The following DPP10 variants were observed in gnomAD, a reference collection of about 807,000 sequenced individuals.
The protein encoded by DPP10 is dipeptidyl peptidase like 10, also known as inactive dipeptidyl peptidase 10.
Under a neutral mutation model 120.9 loss-of-function variants are expected in DPP10, and 33 were observed. The ratio of observed to expected loss-of-function variants is 0.27; its 90% confidence interval spans 0.21 to 0.37. The LOEUF is 0.37. DPP10 is among the 10% of genes least tolerant of loss of function. The pLI is 1.00. For synonymous variants in DPP10, 337 were observed against 326.1 expected, an observed-to-expected ratio of 1.03 and a Z score of -0.36; for missense variants, 816 against 942.8, an observed-to-expected ratio of 0.87 and a Z score of 1.76.
At chr2:114,543,271 T>A (rs762836707) in intron 1 of DPP10, among the ~76,000 whole-genome samples, 2 of 152,186 alleles carry the variant, frequency 1.3e-5, no homozygotes, top group Admixed American at 6.5e-5. Context: ...ACTGGCGACG[T>A]CTTGTTTTCA....
chr2:115,832,174 G>A (rs761563888), intron 21 of DPP10, among the ~76,000 whole-genome samples: 4 of 152,180 alleles, frequency 2.6e-5, no homozygotes, highest in Admixed American at 6.5e-5. Context: ...ACAGGTGAGA[G>A]GAAGGCGAGC....
chr2:115,240,974 A>T (rs1256387808), intron 1 of DPP10, among the ~76,000 whole-genome samples: 2 of 152,126 alleles, frequency 1.3e-5, no homozygotes, highest in Non-Finnish European at 2.9e-5. Context: ...GCAAACCTAT[A>T]AAAAAAGTAG....
At chr2:115,354,089 A>G (rs2064210693) in intron 3 of DPP10, among the ~76,000 whole-genome samples, 1 of 152,184 alleles carries the variant, frequency 6.6e-6, no homozygotes, top group Admixed American at 6.5e-5. Flanking sequence ...AAAAGAAGTC[A>G]TTGCAGATAA....
intron 1 of DPP10, among the ~76,000 whole-genome samples, chr2:114,536,413 T>TTTG (rs1686498272): frequency 6.7e-6 from 1 of 148,380 alleles, no homozygotes; most frequent in Non-Finnish European, 1.5e-5. Flanking sequence ...TTTTTCTTTT[T>TTTG]TTTTTTTTTT....
chr2:115,246,051 A>G (rs2058519107), intron 1 of DPP10, among the ~76,000 whole-genome samples: 1 of 152,136 alleles, frequency 6.6e-6, no homozygotes, highest in South Asian at 2.1e-4. Flanking sequence ...AGAAATTGAA[A>G]TGAAAGATGG....
At chr2:114,943,010 A>G (rs1697075507) in intron 1 of DPP10, among the ~76,000 whole-genome samples, 1 of 152,012 alleles carries the variant, frequency 6.6e-6, no homozygotes, top group Non-Finnish European at 1.5e-5. Context: ...TCAACCCATC[A>G]CCTACATTGG....
chr2:114,481,962 G>GGAGAGGAGAGAGAGAGAGAGGAA (rs1681093288), intron 1 of DPP10, among the ~76,000 whole-genome samples: 1 of 141,628 alleles, frequency 7.1e-6, no homozygotes, highest in African/African-American at 2.9e-5. Context: ...GAGGAGAGGA[G>GGAGAGGAGAGAGAGAGAGAGGAA]AGAGAGAGAG....
chr2:114,604,331 A>G (rs1324808971), intron 1 of DPP10, among the ~76,000 whole-genome samples: 1 of 152,106 alleles, frequency 6.6e-6, no homozygotes, highest in African/African-American at 2.4e-5. Flanking sequence ...TATGGATAGC[A>G]GTCTCAGGCC....
At chr2:115,674,234 A>T (rs1415252165) in intron 5 of DPP10, among the ~76,000 whole-genome samples, 1 of 147,138 alleles carries the variant, frequency 6.8e-6, no homozygotes, top group Admixed American at 7.2e-5. Flanking sequence ...TCACAAAAAA[A>T]TAAATGAGTA....
chr2:115,007,165 A>C (rs1488211205), intron 1 of DPP10, among the ~76,000 whole-genome samples: 2 of 152,196 alleles, frequency 1.3e-5, no homozygotes, highest in Non-Finnish European at 2.9e-5. Flanking sequence ...CATTGATGCA[A>C]AAATCCTCAA....
At chr2:114,501,386 C>A (rs1316141075) in intron 1 of DPP10, among the ~76,000 whole-genome samples, 1 of 152,106 alleles carries the variant, frequency 6.6e-6, no homozygotes, top group East Asian at 1.9e-4. Flanking sequence ...ATGTCCCAGC[C>A]TTTGTGTTTT....
chr2:114,576,496 C>A lies in DPP10; in HGVS notation c.60+133658C>A, dbSNP rs1004221127. ...GAAGGAAGCCTGGGGATGGGGTGAA[C>A]AAATACCCCTATCTCTCTGTCTCTC... On this transcript the variant is annotated intron_variant, in intron 1 of 25. Transcript: ENST00000410059. Among the ~76,000 whole-genome samples the A allele has an allele frequency of 3.3e-5, 5 of 152,148 alleles. No homozygotes were observed. The South Asian group carries it at 6.2e-4, about 19-fold the overall frequency.
At chr2:115,357,993 C>G (rs1014277102) in intron 3 of DPP10, among the ~76,000 whole-genome samples, 2 of 152,066 alleles carry the variant, frequency 1.3e-5, no homozygotes, top group African/African-American at 4.8e-5. Flanking sequence ...GGACCCGACC[C>G]AGGAAACCAT....
At chr2:114,594,245 A>G (rs1014576490) in intron 1 of DPP10, among the ~76,000 whole-genome samples, 1 of 151,872 alleles carries the variant, frequency 6.6e-6, no homozygotes, top group African/African-American at 2.4e-5. Flanking sequence ...CTGCCCTAGA[A>G]CATCAGACTC....
At chr2:115,158,375 A>G (rs1475665254) in intron 1 of DPP10, among the ~76,000 whole-genome samples, 4 of 152,206 alleles carry the variant, frequency 2.6e-5, no homozygotes, top group Non-Finnish European at 4.4e-5. Flanking sequence ...AGCAAGAGAA[A>G]GAAAGACATT....
At chr2:115,589,655 C>T (rs755699023) in intron 5 of DPP10, among the ~76,000 whole-genome samples, 10 of 152,158 alleles carry the variant, frequency 6.6e-5, no homozygotes, top group Non-Finnish European at 1.2e-4. Flanking sequence ...CAACTGGAAT[C>T]TAACAGGTTG....
At chr2:114,717,191 AG>A in intron 1 of DPP10, among the ~76,000 whole-genome samples, 1 of 152,350 alleles carries the variant, frequency 6.6e-6, no homozygotes, top group Non-Finnish European at 1.5e-5. Context: ...TTGCAATAAA[AG>A]GTGACTGCAT....
At chr2:115,546,471 C>G (rs1035895360) in intron 5 of DPP10, among the ~76,000 whole-genome samples, 2 of 152,024 alleles carry the variant, frequency 1.3e-5, no homozygotes, top group Non-Finnish European at 2.9e-5. Context: ...TCTTTCTTTT[C>G]CATTCATTTA....
At chr2:115,517,209 A>C (rs978111965) in intron 4 of DPP10, among the ~76,000 whole-genome samples, 1 of 152,174 alleles carries the variant, frequency 6.6e-6, no homozygotes, top group Non-Finnish European at 1.5e-5. Flanking sequence ...GGTCTCCTCA[A>C]CTGTGCTTAG....
Sources: allele counts gnomAD v4.1 joint callset (sites outside exome capture counted in the v4.1 genomes callset), GRCh38; gene constraint gnomAD v4.1.1; transcripts MANE v1.5; gene names NCBI Gene and HGNC (gene_info 2026-07-23, HGNC 2026-07-21).